ATP1B1: variants seen among roughly 807,000 people sequenced by gnomAD.
ATP1B1 encodes sodium/potassium-transporting ATPase subunit beta-1.
A neutral mutation model predicts 39.6 loss-of-function variants in ATP1B1; 3 were observed. The observed-to-expected ratio is 0.08, with a 90% CI of 0.03 to 0.20. The LOEUF is 0.20. Among genes scored for constraint, ATP1B1 ranks in the 10% least tolerant of loss-of-function variants. The pLI is 1.00. For synonymous variants in ATP1B1, 139 were observed against 135.0 expected (o/e 1.03, Z -0.20); for missense variants, 216 against 371.1 (o/e 0.58, Z 3.43).
At chr1:169,122,770 T>TTAA (rs71121722) in intron 2 of ATP1B1, among the ~76,000 whole-genome samples, 1 of 101,284 alleles carries the variant, frequency 9.9e-6, no homozygotes, top group African/African-American at 3.4e-5. Flanking sequence ...TTTTTTTTTT[T>TTAA]AATTGCGATA....
At chr1:169,125,063 CTG>C (rs762297318) in intron 3 of ATP1B1, 24 bp downstream of exon 3, 25 of 1,569,058 alleles carry the variant, frequency 1.6e-5, no homozygotes, top group Non-Finnish European at 2.2e-5. Flanking sequence ...TTGTAGATGT[CTG>C]TGGCTAGTTT....
chr1:169,122,526 A>G (rs1340652288), intron 2 of ATP1B1, among the ~76,000 whole-genome samples: 2 of 152,216 alleles, frequency 1.3e-5, no homozygotes, highest in Admixed American at 6.5e-5. Flanking sequence ...ATTTTAACAT[A>G]GAAAAAGATT....
At chr1:169,124,853 C>G in intron 2 of ATP1B1, 31 bp from the exon 3 acceptor site, 1 of 1,602,680 alleles carries the variant, frequency 6.2e-7, no homozygotes, top group Non-Finnish European at 8.5e-7. Context: ...TTCTGCCTTC[C>G]TACTAATGTT....
At chr1:169,122,298 C>T (rs1488747276) in intron 2 of ATP1B1, among the ~76,000 whole-genome samples, 1 of 152,118 alleles carries the variant, frequency 6.6e-6, no homozygotes, top group Non-Finnish European at 1.5e-5. Flanking sequence ...GTACTTCCCC[C>T]AGGTCCAGGC....
intron 2 of ATP1B1, among the ~76,000 whole-genome samples, chr1:169,124,663 T>C (rs1040768970): frequency 6.6e-6 from 1 of 152,190 alleles, no homozygotes; most frequent in Non-Finnish European, 1.5e-5. Flanking sequence ...TACCATGAAG[T>C]GTTGCTATGG....
At position 169,131,655 on chromosome 1, in the gene ATP1B1, C is replaced by T; in HGVS notation, c.*100C>T. ...TGAACAAACTGTCATACGTATGGGACCTACACTTAATCTATATGCTTTACA... is the reference window on the plus strand; with the variant it reads ...TGAACAAACTGTCATACGTATGGGATCTACACTTAATCTATATGCTTTACA... On this transcript the variant is annotated 3_prime_UTR_variant, in exon 6 of 6. Coordinates refer to ENST00000367815, the MANE Select transcript of ATP1B1 (RefSeq NM_001677.4). The surrounding 1 kb of genome is among the most constrained non-coding windows in gnomAD (Gnocchi z 4.4). 1 of 1,338,442 alleles carries T rather than the reference C, an allele frequency of 7.5e-7. No homozygotes were observed. The highest frequency in any genetic ancestry group is 2.4e-5 in the East Asian group (1 of 42,226). 82.9% of individuals were successfully genotyped at this position (1,338,442 alleles called of 1,614,324 possible).
rs537028392 is a variant in ATP1B1, at chr1:169,120,607, T to G, written c.227-4277T>G. 2.0e-5 allele frequency among the ~76,000 whole-genome samples: 3 copies of G among 152,350 alleles called. No individual in the cohort carries two copies. The East Asian group carries it at 5.8e-4, about 29-fold the overall frequency. On this transcript the variant is annotated intron_variant, in intron 2 of 5. Transcript: ENST00000367815. ...GCTTAGCTGTCTTATGTTTCACCCC[T>G]TGCTTTCTTGGTTTCACTAGTTTCT...
chr1:169,114,131 G>GAGGACCCTTCTTGGCATTTTTCAATGCCA (rs1557947857), intron 2 of ATP1B1, among the ~76,000 whole-genome samples: 21 of 147,806 alleles, frequency 1.4e-4, no homozygotes, highest in African/African-American at 5.3e-4. Context: ...TGTGTTGCCT[G>GAGGACCCTTCTTGGCATTTTTCAATGCCA]AGGACCCTCC....
chr1:169,127,819 AT>A (rs1658120654), intron 4 of ATP1B1, among the ~76,000 whole-genome samples: 1 of 151,746 alleles, frequency 6.6e-6, no homozygotes, highest in African/African-American at 2.4e-5. Flanking sequence ...TAAAAAAAAA[AT>A]TTTAACCCAC....
chr1:169,116,441 T>C (rs1017586053), intron 2 of ATP1B1, among the ~76,000 whole-genome samples: 1 of 152,170 alleles, frequency 6.6e-6, no homozygotes, highest in Non-Finnish European at 1.5e-5. Context: ...ATTCTTGGCT[T>C]GTTGGTAATC....
chr1:169,111,463 T>A lies in ATP1B1; in HGVS notation c.191T>A (p.Phe64Tyr), dbSNP rs764047553. The change falls in exon 2 of 6, where the codon TTT (phenylalanine) becomes TAT (tyrosine). Residue 64 changes from phenylalanine (F) to tyrosine (Y), a missense_variant. Coordinates refer to ENST00000367815, the MANE Select transcript of ATP1B1 (RefSeq NM_001677.4). ...IQVMLLTISE[F>Y]KPTYQDRVAP... ...GTGATGCTGCTCACCATCAGTGAAT[T>A]TAAGCCCACATATCAGGACCGAGTG... 1.2e-6 allele frequency: 2 copies of A among 1,614,224 alleles called. No homozygotes were observed. Among genetic ancestry groups the A allele is most frequent in the Admixed American group, 3.3e-5 (2 of 60,030 alleles).
At position 169,106,986 on chromosome 1, in the gene ATP1B1, C is replaced by G. The variant is rs555887014; in HGVS notation, c.97+60C>G. The G allele has an allele frequency of 1.6e-5, 23 of 1,481,884 alleles. No homozygotes were observed. In the South Asian group the frequency reaches 2.2e-4, roughly 14 times the overall value. The allele number at this position is 1,481,884 out of a possible 1,614,324, so 91.8% of individuals were successfully genotyped here. A position where few individuals can be genotyped will look rare whatever the true frequency, so the allele number is the denominator to read the frequency against. ...TCTGATCTTTCCCGGGCGGCGCATCCCCTGCGCAGGGTCCGCGGCCGGTTC... is the reference window on the plus strand; with the variant it reads ...TCTGATCTTTCCCGGGCGGCGCATCGCCTGCGCAGGGTCCGCGGCCGGTTC... On this transcript the variant is annotated intron_variant, in intron 1 of 5. Coordinates refer to ENST00000367815, the MANE Select transcript of ATP1B1 (RefSeq NM_001677.4).
At chr1:169,117,029 A>G (rs1289866107) in intron 2 of ATP1B1, among the ~76,000 whole-genome samples, 1 of 152,094 alleles carries the variant, frequency 6.6e-6, no homozygotes, top group African/African-American at 2.4e-5. Flanking sequence ...TCTCACTCAC[A>G]CTTCAAAGGA....
chr1:169,116,905 A>T (rs553332670), intron 2 of ATP1B1, among the ~76,000 whole-genome samples: 1 of 152,034 alleles, frequency 6.6e-6, no homozygotes, highest in Non-Finnish European at 1.5e-5. Context: ...GGTTCGAGTC[A>T]TTATCATTCT....
At chr1:169,127,115 A>T in intron 3 of ATP1B1, 109 bp from the exon 4 acceptor site, 1 of 1,181,438 alleles carries the variant, frequency 8.5e-7, no homozygotes, top group South Asian at 1.9e-5. Context: ...TTAAATGCAG[A>T]ATAGCGTACT....
chr1:169,121,672 C>T (rs1353874786), intron 2 of ATP1B1, among the ~76,000 whole-genome samples: 2 of 152,174 alleles, frequency 1.3e-5, no homozygotes, highest in South Asian at 2.1e-4. Context: ...TCACTGAAGC[C>T]AGGCCAGGGA....
chr1:169,115,652 G>A (rs535585241), intron 2 of ATP1B1, among the ~76,000 whole-genome samples: 138 of 152,076 alleles, frequency 9.1e-4, no homozygotes, highest in African/African-American at 3.3e-3. Context: ...CCTGGTCCAG[G>A]GTTTTTATAG....
chr1:169,121,790 T>A lies in ATP1B1; in HGVS notation c.227-3094T>A, dbSNP rs977965884. ...CCTTTCAGCTTGTTAGGTGAGACTC[T>A]CCAAATCTCAGTATCAGGCTTGTTT... On this transcript the variant is annotated intron_variant, in intron 2 of 5. Coordinates refer to ENST00000367815, the MANE Select transcript of ATP1B1 (RefSeq NM_001677.4). Among the ~76,000 whole-genome samples the A allele has an allele frequency of 1.3e-4, 20 of 152,302 alleles. No individual in the cohort carries two copies. In the Middle Eastern group the frequency reaches 0.02, roughly 155 times the overall value.
intron 2 of ATP1B1, among the ~76,000 whole-genome samples, chr1:169,116,073 A>G (rs906277756): frequency 1.3e-5 from 2 of 152,246 alleles, no homozygotes; most frequent in Admixed American, 6.5e-5. Context: ...GCCCACGGAC[A>G]TGCAAGCGTG....
Sources: allele counts gnomAD v4.1 joint callset (sites outside exome capture counted in the v4.1 genomes callset), GRCh38; gene constraint gnomAD v4.1.1; non-coding constraint Gnocchi (gnomAD v3.1); transcripts MANE v1.5; gene names NCBI Gene and HGNC (gene_info 2026-07-23, HGNC 2026-07-21).